ASTN2: variants seen among roughly 807,000 people sequenced by gnomAD.
ASTN2 encodes the protein astrotactin-2.
ASTN2 carries 54 observed loss-of-function variants against 139.8 expected under a neutral mutation model. The observed-to-expected ratio is 0.39, with a 90% CI of 0.31 to 0.48. The LOEUF is 0.48. Ranked by LOEUF, ASTN2 falls within the 20% of genes least tolerant of loss-of-function variation. The probability of loss-of-function intolerance (pLI) is 0.95; values close to 1 mark genes in which losing one functional copy is unlikely to be tolerated. For synonymous variants in ASTN2, 756 were observed against 719.5 expected (o/e 1.05, Z -0.81); for missense variants, 1,565 against 1,725.1 (o/e 0.91, Z 1.64).
chr9:117,365,321 G>T (rs1184845420), intron 1 of ASTN2, among the ~76,000 whole-genome samples: 2 of 150,752 alleles, frequency 1.3e-5, no homozygotes, highest in African/African-American at 4.9e-5. Context: ...GAAAAAGAAA[G>T]AAAGAAAGAA....
At chr9:117,086,252 T>G (rs535738077) in intron 5 of ASTN2, among the ~76,000 whole-genome samples, 2 of 152,286 alleles carry the variant, frequency 1.3e-5, no homozygotes, top group South Asian at 2.1e-4. Context: ...TCAAAGCCTC[T>G]TAACCAAACA....
At chr9:117,036,451 C>A (rs1838386736) in intron 6 of ASTN2, among the ~76,000 whole-genome samples, 3 of 152,174 alleles carry the variant, frequency 2.0e-5, no homozygotes, top group Admixed American at 6.5e-5. Context: ...AGAACCCTCC[C>A]CTCCAAGGAT....
chr9:116,447,790 A>G (rs970765207), intron 20 of ASTN2, among the ~76,000 whole-genome samples: 3 of 152,228 alleles, frequency 2.0e-5, no homozygotes, highest in African/African-American at 4.8e-5. Context: ...TATGCAATCA[A>G]TCGCTGTTGG....
intron 5 of ASTN2, among the ~76,000 whole-genome samples, chr9:117,075,961 G>A (rs1357580516): frequency 2.6e-5 from 4 of 152,132 alleles, no homozygotes; most frequent in African/African-American, 9.7e-5. Context: ...CCTTCAGCAG[G>A]CATCCCACCA....
intron 4 of ASTN2, among the ~76,000 whole-genome samples, chr9:117,106,445 C>T (rs1829106017): frequency 6.6e-6 from 1 of 151,972 alleles, no homozygotes; most frequent in African/African-American, 2.4e-5. Context: ...GATATCCACC[C>T]CCCTCAGCCT....
chr9:116,669,077 G>C (rs1285455870), intron 16 of ASTN2, among the ~76,000 whole-genome samples: 1 of 152,190 alleles, frequency 6.6e-6, no homozygotes, highest in Non-Finnish European at 1.5e-5. Context: ...AGCTAAAACA[G>C]GGTCAGGCGG....
intron 10 of ASTN2, among the ~76,000 whole-genome samples, chr9:116,907,211 G>A (rs535381774): frequency 6.6e-5 from 10 of 152,332 alleles, no homozygotes; most frequent in Admixed American, 2.6e-4. Context: ...TTTAAGAAGA[G>A]TAGGTTGTAG....
intron 5 of ASTN2, among the ~76,000 whole-genome samples, chr9:117,054,568 G>GATTACCA (rs1839003509): frequency 6.6e-6 from 1 of 152,190 alleles, no homozygotes; most frequent in Non-Finnish European, 1.5e-5. Flanking sequence ...GTCATAGAAT[G>GATTACCA]ATTACCAAGA....
At chr9:117,350,421 G>A (rs1829351504) in intron 1 of ASTN2, among the ~76,000 whole-genome samples, 1 of 151,956 alleles carries the variant, frequency 6.6e-6, no homozygotes, top group African/African-American at 2.4e-5. Flanking sequence ...GTGGTCGTGG[G>A]CACCTGTAAT....
chr9:116,532,062 C>A (rs185891594), intron 19 of ASTN2, among the ~76,000 whole-genome samples: 1 of 152,198 alleles, frequency 6.6e-6, no homozygotes, highest in African/African-American at 2.4e-5. Flanking sequence ...GCCATTCTAA[C>A]TGGTGTGAGA....
At chr9:117,411,504 G>GA (rs1265574603) in intron 1 of ASTN2, among the ~76,000 whole-genome samples, 1 of 121,484 alleles carries the variant, frequency 8.2e-6, no homozygotes, top group African/African-American at 3.1e-5. Flanking sequence ...ACCAATAACA[G>GA]AAACAAAAGA....
chr9:116,439,450 T>TTTA (rs1847774740), intron 22 of ASTN2, among the ~76,000 whole-genome samples: 18 of 139,792 alleles, frequency 1.3e-4, no homozygotes, highest in African/African-American at 5.1e-4. Flanking sequence ...TCCGCCCGCC[T>TTTA]CGGCCTCCCA....
intron 4 of ASTN2, among the ~76,000 whole-genome samples, chr9:117,109,593 C>T (rs1235200127): frequency 6.6e-6 from 1 of 152,078 alleles, no homozygotes; most frequent in Non-Finnish European, 1.5e-5. Flanking sequence ...TCTTTATTCT[C>T]CCTTTCTTAG....
intron 5 of ASTN2, among the ~76,000 whole-genome samples, chr9:117,093,783 CA>C (rs1828765785): frequency 2.0e-5 from 3 of 152,192 alleles, no homozygotes; most frequent in African/African-American, 7.2e-5. Flanking sequence ...GCAGCTGCGG[CA>C]GCAACAACAA....
intron 4 of ASTN2, among the ~76,000 whole-genome samples, chr9:117,126,678 C>A (rs2132826329): frequency 6.6e-6 from 1 of 152,330 alleles, no homozygotes; most frequent in Non-Finnish European, 1.5e-5. Flanking sequence ...ACTGGTTTCA[C>A]TGCAGACTTG....
chr9:116,826,490 C>A (rs1196722815), intron 11 of ASTN2, among the ~76,000 whole-genome samples: 1 of 152,182 alleles, frequency 6.6e-6, no homozygotes, highest in Non-Finnish European at 1.5e-5. Flanking sequence ...CAGGACAATA[C>A]CCACCACCCT....
chr9:117,121,981 A>C (rs1587987172), intron 4 of ASTN2, among the ~76,000 whole-genome samples: 1 of 152,096 alleles, frequency 6.6e-6, no homozygotes, highest in East Asian at 1.9e-4. Flanking sequence ...CTCCTCCAAA[A>C]CTGGTCATAT....
intron 19 of ASTN2, among the ~76,000 whole-genome samples, chr9:116,534,227 T>C (rs1019296065): frequency 9.2e-5 from 14 of 152,230 alleles, no homozygotes; most frequent in Admixed American, 3.3e-4. Context: ...TCATTTTTTA[T>C]TGCGTCTATT....
At chr9:116,478,660 G>A (rs992877100) in intron 20 of ASTN2, among the ~76,000 whole-genome samples, 3 of 152,148 alleles carry the variant, frequency 2.0e-5, no homozygotes, top group Admixed American at 6.5e-5. Flanking sequence ...CCAGTTGCCA[G>A]GGGCTGGTGT....
Sources: gnomAD v4.1 joint callset for allele counts (sites outside exome capture counted in the v4.1 genomes callset) on GRCh38, gnomAD v4.1.1 for gene constraint, MANE v1.5 for transcripts, NCBI Gene and HGNC (gene_info 2026-07-23, HGNC 2026-07-21) for gene names.